INPP5J: variants seen among roughly 807,000 people sequenced by gnomAD.
The protein encoded by INPP5J is phosphatidylinositol 4,5-bisphosphate 5-phosphatase A.
A neutral mutation model predicts 86.6 loss-of-function variants in INPP5J; 75 were observed. The ratio of observed to expected loss-of-function variants is 0.87; its 90% confidence interval spans 0.72 to 1.05. The LOEUF (loss-of-function observed/expected upper bound fraction) is 1.05. Among genes scored for constraint, INPP5J ranks in the 50% least tolerant of loss-of-function variants. The pLI is 0.00. For missense variants in INPP5J, 1,229 were observed against 1,341.2 expected (o/e 0.92, Z 1.31); for synonymous variants, 540 against 550.0 (o/e 0.98, Z 0.25).
In INPP5J at chr22:31,133,912, G is replaced by T; in HGVS notation, c.2515-1G>T. On this transcript the variant is annotated splice_acceptor_variant, in intron 12 of 12. Coordinates refer to ENST00000331075, the MANE Select transcript of INPP5J (RefSeq NM_001284285.2). LOFTEE classifies it high-confidence loss of function. ...GCCCCAGTGACCAGCATTTCCCCCAGATCTCGCTGCCTTCCTCGGAGTTGG... is the reference window on the plus strand; with the variant it reads ...GCCCCAGTGACCAGCATTTCCCCCATATCTCGCTGCCTTCCTCGGAGTTGG... 6.2e-7 allele frequency: 1 copy of T among 1,609,904 alleles called. No individual in the cohort carries two copies. The highest frequency in any genetic ancestry group is 8.5e-7 in the Non-Finnish European group (1 of 1,177,300).
chr22:31,124,218 A>G, intron 1 of INPP5J: 5 of 982,186 alleles, frequency 5.1e-6, no homozygotes, highest in Non-Finnish European at 6.0e-6. Context: ...CTACACAGCC[A>G]GTCTCAGCTC....
At chr22:31,126,838 T>G (rs1040380252) in intron 4 of INPP5J, 83 bp from the exon 5 acceptor site, 1 of 1,407,356 alleles carries the variant, frequency 7.1e-7, no homozygotes. Context: ...GTGACATGGG[T>G]GGGTGGAGGA....
Position 31,125,572 on chromosome 22 carries a change from C to G in INPP5J, c.833C>G (p.Ser278Cys). 6.4e-7 allele frequency: 1 copy of G among 1,550,524 alleles called. No homozygotes were observed. The highest frequency in any genetic ancestry group is 8.7e-7 in the Non-Finnish European group (1 of 1,146,980). ...CIQTSPDPRL[S>C]PSFRARPEAL... ...CAAACCTCCCCAGACCCTCGGCTCT[C>G]CCCCTCCTTCCGAGCCCGGCCTGAG... The change falls in exon 2 of 13, where the codon TCC (serine) becomes TGC (cysteine). Residue 278 changes from serine (S) to cysteine (C), a missense_variant. Coordinates refer to ENST00000331075, the MANE Select transcript of INPP5J (RefSeq NM_001284285.2).
chr22:31,123,525 C>T (rs1396208859), intron 1 of INPP5J, among the ~76,000 whole-genome samples: 9 of 152,194 alleles, frequency 5.9e-5, no homozygotes, highest in Non-Finnish European at 8.8e-5. Context: ...GGGGGGAAGC[C>T]GGCACACAGT....
chr22:31,127,620 G>A lies in INPP5J; in HGVS notation c.1787+88G>A, dbSNP rs1323334053. 4 of 1,358,448 alleles carry A rather than the reference G, an allele frequency of 2.9e-6. No homozygotes were observed. In the African/African-American group the frequency reaches 5.8e-5, roughly 20 times the overall value. 84.1% of individuals were successfully genotyped at this position (1,358,448 alleles called of 1,614,324 possible). On this transcript the variant is annotated intron_variant, in intron 6 of 12. Transcript: ENST00000331075. The stretch of plus-strand genomic sequence containing the variant: ...ACCTTGGGTGGGGCTTATGGAGAGA[G>A]GCAGGGCCTATGGGGTTTAGTGCCC...
chr22:31,125,729 G>A lies in INPP5J; in HGVS notation c.990G>A (p.Gly330=), dbSNP rs1310411609. The part of the protein sequence containing the change: ...PGLLSPTFRP[G]APSGQTVPPP... ...TTCTGTCCCCCACCTTCCGGCCTGG[G>A]GCCCCCTCAGGCCAGACTGTGCCCC... The change falls in exon 2 of 13, where the codon GGG becomes GGA. Residue 330 remains glycine, a synonymous_variant. Transcript: ENST00000331075. The A allele has an allele frequency of 6.4e-7, 1 of 1,550,784 alleles. No individual in the cohort carries two copies. Among genetic ancestry groups the A allele is most frequent in the African/African-American group, 1.4e-5 (1 of 73,120 alleles).
At position 31,126,966 on chromosome 22, in the gene INPP5J, A is replaced by G; in HGVS notation, c.1540A>G (p.Lys514Glu). The G allele has an allele frequency of 6.2e-7, 1 of 1,611,176 alleles. No homozygotes were observed. The change falls in exon 5 of 13, where the codon AAG (lysine) becomes GAG (glutamate). Residue 514 changes from lysine to glutamate, a missense_variant. Lys to Glu is a moderately conservative substitution (Grantham distance 56). Transcript: ENST00000331075. ...MQGVILLLFA[K>E]YYHLPFLRDV... is the part of the protein sequence containing the mutation. ...GGGTGTCATCCTGCTGCTGTTCGCC[A>G]AGTACTACCACCTGCCCTTCCTGCG...
chr22:31,130,985 C>G (rs1922019031), intron 9 of INPP5J, among the ~76,000 whole-genome samples: 1 of 152,078 alleles, frequency 6.6e-6, no homozygotes, highest in Non-Finnish European at 1.5e-5. Flanking sequence ...TCTTTTCAGC[C>G]CTGAAACCCA....
rs1279474858 is a variant in INPP5J at position 31,133,711 on chromosome 22, C to G, written c.2511C>G (p.Phe837Leu). ...HSILIGITEP[F>L]QISLPSSELA... ...TCCTCATCGGCATCACTGAACCCTTCCAGGTAAGTAGGCCAGACTGCTGGG... is the reference window on the plus strand; with the variant it reads ...TCCTCATCGGCATCACTGAACCCTTGCAGGTAAGTAGGCCAGACTGCTGGG... The change falls in exon 12 of 13, where the codon TTC (phenylalanine) becomes TTG (leucine). Residue 837 changes from phenylalanine (F) to leucine (L), a missense_variant. Coordinates refer to ENST00000331075, the MANE Select transcript of INPP5J (RefSeq NM_001284285.2). 5 of 1,611,394 alleles carry G rather than the reference C, an allele frequency of 3.1e-6. No individual in the cohort carries two copies. The South Asian group carries it at 4.4e-5, about 14-fold the overall frequency.
intron 12 of INPP5J, 97 bp downstream of exon 12, chr22:31,133,811 G>C: frequency 6.3e-7 from 1 of 1,588,618 alleles, no homozygotes; most frequent in Non-Finnish European, 8.6e-7. Context: ...CAAATAACCT[G>C]ACCTCCCAAG....
At chr22:31,128,731 T>A (rs1845906840) in intron 9 of INPP5J, 77 bp downstream of exon 9, 2 of 1,266,422 alleles carry the variant, frequency 1.6e-6, no homozygotes, top group Non-Finnish European at 2.2e-6. Context: ...ACCATTACCC[T>A]TTGTATAACC....
At position 31,134,433 on chromosome 22, in the gene INPP5J, A is replaced by C. The variant is rs552058365; in HGVS notation, c.*14A>C. 23 of 1,446,238 alleles carry C rather than the reference A, an allele frequency of 1.6e-5. 1 individual carries two copies. The South Asian group carries it at 3.3e-4, about 21-fold the overall frequency. The allele number at this position is 1,446,238 out of a possible 1,614,324, so 89.6% of individuals were successfully genotyped here. ...CTGGGGCCCTGAGGGTGGGGTAGGC[A>C]GATGGGCCAAGGTGACCACCATTCT... On this transcript the variant is annotated 3_prime_UTR_variant, in exon 13 of 13. Transcript: ENST00000331075.
chr22:31,127,120 C>A, intron 5 of INPP5J, 83 bp downstream of exon 5: 1 of 993,208 alleles, frequency 1.0e-6, no homozygotes, highest in South Asian at 1.4e-5. Context: ...ACAGCAAGGT[C>A]CCCTTCCCAT....
chr22:31,125,418 G>A lies in INPP5J; in HGVS notation c.679G>A (p.Ala227Thr), dbSNP rs2240432. 0.33 allele frequency: 519,086 copies of A among 1,550,346 alleles called. 90,177 individuals carry two copies. Among genetic ancestry groups the A allele is most frequent in the East Asian group, 0.55 (22,671 of 40,894 alleles). ...GGCTCCAGCATCCACGGCATCAGGC[G>A]CAGCCTCTGTGGGACAGACATCAGC... ...ALAPASTASGAASVGQTSARK... is the reference protein window; with the variant it reads ...ALAPASTASGTASVGQTSARK... Residue 227 changes from alanine (A) to threonine (T), a missense_variant, in exon 2 of 13, where the codon GCA becomes ACA. Ala to Thr is a moderately conservative substitution (Grantham distance 58). Transcript: ENST00000331075.
At chr22:31,123,559 T>C (rs564000090) in intron 1 of INPP5J, among the ~76,000 whole-genome samples, 2 of 151,816 alleles carry the variant, frequency 1.3e-5, no homozygotes, top group Admixed American at 1.3e-4. Context: ...CCAAGGAGGG[T>C]GCCTAAAATG....
At chr22:31,132,839 A>G (rs918530529) in intron 9 of INPP5J, among the ~76,000 whole-genome samples, 10 of 152,168 alleles carry the variant, frequency 6.6e-5, no homozygotes, top group Non-Finnish European at 1.2e-4. Context: ...CGGCAGAACC[A>G]GAGCCAAATC....
At chr22:31,131,652 G>A (rs1475748341) in intron 9 of INPP5J, among the ~76,000 whole-genome samples, 1 of 152,080 alleles carries the variant, frequency 6.6e-6, no homozygotes, top group African/African-American at 2.4e-5. Flanking sequence ...GAATGCCTCA[G>A]TAGGCCCTGA....
At position 31,133,903 on chromosome 22, in the gene INPP5J, T is replaced by G; in HGVS notation, c.2515-10T>G. 1 of 1,608,150 alleles carries G rather than the reference T, an allele frequency of 6.2e-7. No homozygotes were observed. ...GAGCAGGGCGCCCCAGTGACCAGCA[T>G]TTCCCCCAGATCTCGCTGCCTTCCT... On this transcript the variant is annotated splice_polypyrimidine_tract_variant and intron_variant, in intron 12 of 12. Transcript: ENST00000331075.
At position 31,125,821 on chromosome 22, in the gene INPP5J, G is replaced by A; in HGVS notation, c.1082G>A (p.Cys361Tyr). 1 of 1,603,578 alleles carries A rather than the reference G, an allele frequency of 6.2e-7. No individual in the cohort carries two copies. Among genetic ancestry groups the A allele is most frequent in the Non-Finnish European group, 8.5e-7 (1 of 1,175,214 alleles). ...SPSHSPNRSPCVPPAPDMALP... is the reference protein window; with the variant it reads ...SPSHSPNRSPYVPPAPDMALP... ...AGCCACTCCCCGAATCGCTCTCCCT[G>A]TGTTCCCCCAGCCCCTGACATGGCC... The change falls in exon 2 of 13, where the codon TGT becomes TAT. Residue 361 changes from cysteine (C) to tyrosine (Y), a missense_variant. Physicochemically the swap from Cys to Tyr is radical, Grantham distance 194 (BLOSUM62 -2). Coordinates refer to ENST00000331075, the MANE Select transcript of INPP5J (RefSeq NM_001284285.2).
Sources: allele counts gnomAD v4.1 joint callset (sites outside exome capture counted in the v4.1 genomes callset), GRCh38; gene constraint gnomAD v4.1.1; transcripts MANE v1.5; gene names NCBI Gene and HGNC (gene_info 2026-07-23, HGNC 2026-07-21).